GRM8: variants seen among roughly 807,000 people sequenced by gnomAD.
GRM8 encodes metabotropic glutamate receptor 8.
In GRM8, 47 loss-of-function variants were observed where a neutral mutation model predicts 87.2. That is an observed-to-expected ratio of 0.54 (90% confidence interval 0.43 to 0.69). GRM8 has a LOEUF of 0.69. GRM8 is among the 30% of genes least tolerant of loss of function. GRM8 has a pLI of 0.00. For missense variants in GRM8, 1,019 were observed against 1,139.2 expected (o/e 0.89, Z 1.52); for synonymous variants, 396 against 404.5 (o/e 0.98, Z 0.25).
chr7:126,556,231 G>A (rs187265739), intron 8 of GRM8, among the ~76,000 whole-genome samples: 38 of 149,932 alleles, frequency 2.5e-4, no homozygotes, highest in Middle Eastern at 6.9e-3. Flanking sequence ...TTTAAAACTA[G>A]TTATTGTTTT....
intron 3 of GRM8, among the ~76,000 whole-genome samples, chr7:127,070,990 C>T (rs1215723406): frequency 6.6e-6 from 1 of 152,126 alleles, no homozygotes; most frequent in Non-Finnish European, 1.5e-5. Flanking sequence ...AATAATGTAA[C>T]AGAATAGGTA....
intron 7 of GRM8, among the ~76,000 whole-genome samples, chr7:126,643,970 T>C (rs1434155213): frequency 6.6e-6 from 1 of 152,262 alleles, no homozygotes; most frequent in Non-Finnish European, 1.5e-5. Flanking sequence ...CAGAAGAGTC[T>C]AGTCAAATAA....
At chr7:126,648,242 C>T (rs1354165634) in intron 7 of GRM8, among the ~76,000 whole-genome samples, 4 of 152,088 alleles carry the variant, frequency 2.6e-5, no homozygotes, top group Non-Finnish European at 2.9e-5. Flanking sequence ...AAGCCATCCC[C>T]TATATACCTA....
At chr7:126,557,314 GA>G (rs778846171) in intron 8 of GRM8, among the ~76,000 whole-genome samples, 10 of 152,196 alleles carry the variant, frequency 6.6e-5, no homozygotes, top group Admixed American at 3.3e-4. Flanking sequence ...AAATAACAAA[GA>G]AAAGTAAAAT....
intron 3 of GRM8, among the ~76,000 whole-genome samples, chr7:126,928,872 G>GA (rs879848928): frequency 8.3e-4 from 125 of 150,876 alleles, no homozygotes; most frequent in Admixed American, 4.4e-3. Flanking sequence ...CACTTTTAGG[G>GA]AAAAAAAAAT....
At chr7:126,537,794 AC>A (rs1816003297) in intron 8 of GRM8, among the ~76,000 whole-genome samples, 4 of 151,910 alleles carry the variant, frequency 2.6e-5, no homozygotes, top group Non-Finnish European at 5.9e-5. Context: ...AAACAAACAA[AC>A]AAACAAAAAA....
intron 7 of GRM8, among the ~76,000 whole-genome samples, chr7:126,661,897 A>G (rs1805217806): frequency 7.5e-5 from 1 of 13,254 alleles, no homozygotes; most frequent in African/African-American, 9.7e-4. Context: ...ATGTCTTCAC[A>G]GTGGCTTCAC....
chr7:126,763,450 TATATATATATATATATATATATACACAC>T (rs1190624954), intron 7 of GRM8, among the ~76,000 whole-genome samples: 2 of 59,862 alleles, frequency 3.3e-5, no homozygotes, highest in Admixed American at 2.1e-4. Flanking sequence ...TTCATATATA[TATATATATATATATATATATATACACAC>T]ACACACACAC....
intron 8 of GRM8, among the ~76,000 whole-genome samples, chr7:126,547,354 T>C (rs1778235156): frequency 6.6e-6 from 1 of 152,138 alleles, no homozygotes; most frequent in Admixed American, 6.5e-5. Flanking sequence ...AAAGTTATTA[T>C]AACTCCAGAG....
At chr7:126,705,111 C>A (rs1810355405) in intron 7 of GRM8, among the ~76,000 whole-genome samples, 1 of 152,122 alleles carries the variant, frequency 6.6e-6, no homozygotes, top group Non-Finnish European at 1.5e-5. Context: ...CTTTATTTCT[C>A]AATCCGGCCG....
intron 2 of GRM8, among the ~76,000 whole-genome samples, chr7:127,141,101 A>G (rs941552902): frequency 3.3e-5 from 5 of 151,932 alleles, no homozygotes; most frequent in Middle Eastern, 3.2e-3. Flanking sequence ...CAATCTGTCA[A>G]CCCTTGCTCA....
intron 7 of GRM8, among the ~76,000 whole-genome samples, chr7:126,630,365 C>A (rs2151169941): frequency 6.6e-6 from 1 of 152,182 alleles, no homozygotes; most frequent in Middle Eastern, 3.4e-3. Flanking sequence ...AATAACAAGT[C>A]TGAAACTGAG....
intron 6 of GRM8, among the ~76,000 whole-genome samples, chr7:126,784,989 T>C (rs561275722): frequency 1.3e-5 from 2 of 152,298 alleles, no homozygotes; most frequent in Admixed American, 1.3e-4. Context: ...AAGCACATAG[T>C]AACCATTTGG....
chr7:126,634,454 T>C (rs1383843384), intron 7 of GRM8, among the ~76,000 whole-genome samples: 2 of 152,184 alleles, frequency 1.3e-5, no homozygotes, highest in Non-Finnish European at 2.9e-5. Context: ...ACTTGGTTTC[T>C]CACTTTCCTT....
At chr7:126,851,032 G>C (rs1477989592) in intron 6 of GRM8, among the ~76,000 whole-genome samples, 1 of 152,008 alleles carries the variant, frequency 6.6e-6, no homozygotes, top group Non-Finnish European at 1.5e-5. Flanking sequence ...CACCTACAAG[G>C]CTTTTCATAC....
intron 2 of GRM8, among the ~76,000 whole-genome samples, chr7:127,212,481 G>A (rs935410155): frequency 1.4e-5 from 2 of 147,574 alleles, no homozygotes; most frequent in African/African-American, 5.0e-5. Flanking sequence ...GCAGTGGCGG[G>A]ATCTCGGCTC....
chr7:126,935,983 G>C (rs1303847385), intron 3 of GRM8, among the ~76,000 whole-genome samples: 1 of 152,094 alleles, frequency 6.6e-6, no homozygotes, highest in Non-Finnish European at 1.5e-5. Flanking sequence ...ATTCACCAGC[G>C]TAAGTGTGCT....
intron 2 of GRM8, among the ~76,000 whole-genome samples, chr7:127,224,117 G>A (rs961449436): frequency 6.6e-6 from 1 of 152,122 alleles, no homozygotes; most frequent in African/African-American, 2.4e-5. Flanking sequence ...CTGACTCCCA[G>A]AAGGAGAGGA....
At chr7:126,483,858 C>T (rs1160959652) in intron 9 of GRM8, among the ~76,000 whole-genome samples, 2 of 146,076 alleles carry the variant, frequency 1.4e-5, no homozygotes, top group South Asian at 2.3e-4. Flanking sequence ...ACAAAAACCA[C>T]TAATGCATCC....
Sources: allele counts gnomAD v4.1 joint callset (sites outside exome capture counted in the v4.1 genomes callset), GRCh38; gene constraint gnomAD v4.1.1; transcripts MANE v1.5; gene names NCBI Gene and HGNC (gene_info 2026-07-23, HGNC 2026-07-21).